Variants in PRR16 observed in about 807,000 individuals in gnomAD.
PRR16 encodes protein Largen.
Under a neutral mutation model 18.2 loss-of-function variants are expected in PRR16, and 6 were observed. The ratio of observed to expected loss-of-function variants is 0.33; its 90% confidence interval spans 0.18 to 0.65. PRR16 has a LOEUF of 0.65. PRR16 is among the 30% of genes least tolerant of loss of function. PRR16 has a pLI of 0.74. For synonymous variants in PRR16, 151 were observed against 147.8 expected (o/e 1.02, Z -0.16); for missense variants, 412 against 376.6 (o/e 1.09, Z -0.78).
intron 1 of PRR16, among the ~76,000 whole-genome samples, chr5:120,570,098 A>G (rs1752859246): frequency 6.6e-6 from 1 of 152,142 alleles, no homozygotes; most frequent in South Asian, 2.1e-4. Flanking sequence ...TATAAGCCTC[A>G]TATCTTTCAC....
chr5:120,738,530 A>G, the PRR16 span, among the ~76,000 whole-genome samples: 2 of 152,188 alleles, frequency 1.3e-5, no homozygotes, highest in Non-Finnish European at 2.9e-5. Flanking sequence ...TAATAACATC[A>G]TCATTATGGC....
chr5:120,678,545 T>C (rs1047121717), intron 1 of PRR16, among the ~76,000 whole-genome samples: 3 of 152,110 alleles, frequency 2.0e-5, no homozygotes, highest in African/African-American at 7.2e-5. Context: ...GGAATACACA[T>C]AAATAGACAG....
At chr5:120,485,641 TTTAG>T in intron 1 of PRR16, among the ~76,000 whole-genome samples, 1 of 152,078 alleles carries the variant, frequency 6.6e-6, no homozygotes. Flanking sequence ...TATGCCTAGA[TTTAG>T]TTATTTTTTT....
downstream of PRR16, among the ~76,000 whole-genome samples, chr5:120,692,133 A>G (rs1303670655): frequency 6.6e-6 from 1 of 152,222 alleles, no homozygotes; most frequent in Non-Finnish European, 1.5e-5. Flanking sequence ...TGCATTGTGT[A>G]CAGGTAATCT....
At chr5:120,713,886 T>C in the PRR16 span, among the ~76,000 whole-genome samples, 5 of 152,210 alleles carry the variant, frequency 3.3e-5, no homozygotes, top group African/African-American at 1.2e-4. Flanking sequence ...TTAACTTTCA[T>C]AAGCAATCTT....
chr5:120,690,647 GTAAC>G (rs530710444), downstream of PRR16, among the ~76,000 whole-genome samples: 104 of 152,254 alleles, frequency 6.8e-4, no homozygotes, highest in African/African-American at 2.4e-3. Context: ...GGGTCAATGT[GTAAC>G]TGTGACAAGT....
the PRR16 span, among the ~76,000 whole-genome samples, chr5:120,698,229 G>A: frequency 5.9e-5 from 9 of 152,004 alleles, no homozygotes; most frequent in Non-Finnish European, 1.3e-4. Context: ...TTTGTGGTAA[G>A]GGGTGATACT....
At chr5:120,765,658 T>G in the PRR16 span, among the ~76,000 whole-genome samples, 1 of 152,052 alleles carries the variant, frequency 6.6e-6, no homozygotes, top group African/African-American at 2.4e-5. Context: ...TGTCCACCTA[T>G]CATCAGTTTA....
intron 1 of PRR16, among the ~76,000 whole-genome samples, chr5:120,608,707 G>T (rs1263307791): frequency 6.6e-6 from 1 of 152,102 alleles, no homozygotes. Flanking sequence ...CTTTTAAAAA[G>T]TGTATTGCAG....
At chr5:120,703,396 G>A in the PRR16 span, among the ~76,000 whole-genome samples, 1 of 152,202 alleles carries the variant, frequency 6.6e-6, no homozygotes. Context: ...CTTGGCTTGG[G>A]CTCAGAGGCC....
At chr5:120,681,638 A>G (rs565361160) in intron 1 of PRR16, among the ~76,000 whole-genome samples, 296 of 152,230 alleles carry the variant, frequency 1.9e-3, no homozygotes, top group Non-Finnish European at 3.5e-3. Flanking sequence ...TCATTTATCA[A>G]TACTTTCAAT....
At chr5:120,642,227 C>G (rs911059227) in intron 1 of PRR16, among the ~76,000 whole-genome samples, 1 of 151,196 alleles carries the variant, frequency 6.6e-6, no homozygotes, top group Non-Finnish European at 1.5e-5. Flanking sequence ...AAATCTGATA[C>G]TGTAATTTCC....
the PRR16 span, among the ~76,000 whole-genome samples, chr5:120,765,228 C>T: frequency 6.6e-6 from 1 of 152,028 alleles, no homozygotes; most frequent in African/African-American, 2.4e-5. Context: ...AATATTTTCC[C>T]TTACATATCG....
chr5:120,730,223 T>C, the PRR16 span, among the ~76,000 whole-genome samples: 3 of 152,158 alleles, frequency 2.0e-5, no homozygotes, highest in African/African-American at 7.2e-5. Flanking sequence ...ACTTTAGATA[T>C]TTAATCTTAG....
At chr5:120,679,723 A>G (rs759526333) in intron 1 of PRR16, among the ~76,000 whole-genome samples, 4 of 152,144 alleles carry the variant, frequency 2.6e-5, no homozygotes, top group Non-Finnish European at 4.4e-5. Flanking sequence ...CTTGAACGAC[A>G]TTATGCTAAA....
intron 1 of PRR16, among the ~76,000 whole-genome samples, chr5:120,664,401 G>A (rs1383608129): frequency 6.6e-6 from 1 of 151,732 alleles, no homozygotes; most frequent in African/African-American, 2.4e-5. Context: ...ATGGCCATAT[G>A]AGCAGATCTT....
chr5:120,471,992 C>T (rs776227332), intron 1 of PRR16, among the ~76,000 whole-genome samples: 2 of 152,150 alleles, frequency 1.3e-5, no homozygotes, highest in Non-Finnish European at 2.9e-5. Context: ...CCAGACCTCA[C>T]TTTCAGGCAA....
chr5:120,787,178 T>C, the PRR16 span, among the ~76,000 whole-genome samples: 1 of 152,170 alleles, frequency 6.6e-6, no homozygotes, highest in African/African-American at 2.4e-5. Flanking sequence ...AGTGATGGTA[T>C]ATTATGTCTC....
At chr5:120,762,520 G>A in the PRR16 span, among the ~76,000 whole-genome samples, 6 of 152,150 alleles carry the variant, frequency 3.9e-5, no homozygotes, top group East Asian at 1.2e-3. Context: ...TTTTAGAAAT[G>A]AAATCTCCCT....
Sources: gnomAD v4.1 joint callset for allele counts (sites outside exome capture counted in the v4.1 genomes callset) on GRCh38, gnomAD v4.1.1 for gene constraint, MANE v1.5 for transcripts, NCBI Gene and HGNC (gene_info 2026-07-23, HGNC 2026-07-21) for gene names.